Variants in INSL6 observed in about 807,000 individuals in gnomAD.
INSL6 encodes insulin like 6.
Under a neutral mutation model 9.4 loss-of-function variants are expected in INSL6, and 16 were observed. The ratio of observed to expected loss-of-function variants is 1.70; its 90% CI spans 1.15 to 2.59. The LOEUF (loss-of-function observed/expected upper bound fraction) is 2.59, where lower values mean the gene tolerates loss of function less well. Ranked by LOEUF, INSL6 falls within the 30% of genes most tolerant of loss-of-function variation. The pLI is 0.00. For missense variants in INSL6, 391 were observed against 257.3 expected (o/e 1.52, Z -3.56); for synonymous variants, 154 against 96.9 (o/e 1.59, Z -3.46).
At position 5,180,380 on chromosome 9, in the gene INSL6, A is replaced by C. The variant is rs189455757; in HGVS notation, c.289+4934T>G. ...CAAGGGAAGACAACTGTAAGGTCTGACTGCCTGCGGGGTTGGGCAAAAAGA... is the reference window on the plus strand; with the variant it reads ...CAAGGGAAGACAACTGTAAGGTCTGCCTGCCTGCGGGGTTGGGCAAAAAGA... On this transcript the variant is annotated intron_variant, in intron 1 of 1. Transcript: ENST00000381641. Among the ~76,000 whole-genome samples, 443 of 152,264 alleles carry C rather than the reference A, an allele frequency of 2.9e-3. 4 individuals carry two copies. Among genetic ancestry groups the C allele is most frequent in the African/African-American group, 9.2e-3 (383 of 41,534 alleles).
chr9:5,153,762 C>G (rs754948510), intron 2 of INSL6, among the ~76,000 whole-genome samples: 1 of 152,120 alleles, frequency 6.6e-6, no homozygotes, highest in Non-Finnish European at 1.5e-5. Context: ...ATACAACTTA[C>G]GAGGGATGTG....
chr9:5,071,547 G>A, the INSL6 span, among the ~76,000 whole-genome samples: 1 of 152,148 alleles, frequency 6.6e-6, no homozygotes, highest in Admixed American at 6.6e-5. Context: ...AGGATGAAAA[G>A]TAAATTACTT....
chr9:5,039,801 A>G, the INSL6 span, among the ~76,000 whole-genome samples: 8 of 152,164 alleles, frequency 5.3e-5, no homozygotes, highest in East Asian at 1.5e-3. Context: ...GAAATATAAA[A>G]CATCATTGAA....
At chr9:5,086,242 G>T in the INSL6 span, 1 of 572,862 alleles carries the variant, frequency 1.7e-6, no homozygotes, top group Non-Finnish European at 2.3e-6. Flanking sequence ...GAAAGTCGCG[G>T]TAGGATGGTG....
At chr9:5,003,502 T>A in the INSL6 span, among the ~76,000 whole-genome samples, 6 of 152,044 alleles carry the variant, frequency 3.9e-5, no homozygotes, top group African/African-American at 1.4e-4. Context: ...TATTTTTAAA[T>A]GTTCATTTAA....
At chr9:5,129,441 T>G (rs1425145458) in intron 3 of INSL6, among the ~76,000 whole-genome samples, 1 of 152,152 alleles carries the variant, frequency 6.6e-6, no homozygotes, top group African/African-American at 2.4e-5. Context: ...CACTGTTGTA[T>G]CCCATCCTAA....
chr9:5,105,060 G>GCAAT, the INSL6 span, among the ~76,000 whole-genome samples: 31 of 152,290 alleles, frequency 2.0e-4, 1 homozygote, highest in East Asian at 3.9e-3. Flanking sequence ...TCTGGCCAGG[G>GCAAT]CAATCAGGCA....
chr9:5,019,125 A>G, the INSL6 span, among the ~76,000 whole-genome samples: 1 of 152,148 alleles, frequency 6.6e-6, no homozygotes, highest in Non-Finnish European at 1.5e-5. Context: ...GTTTTCAGCT[A>G]TTATTTCATT....
intron 1 of INSL6, among the ~76,000 whole-genome samples, chr9:5,182,477 C>G (rs1825478823): frequency 6.6e-6 from 1 of 151,988 alleles, no homozygotes; most frequent in African/African-American, 2.4e-5. Flanking sequence ...AATTGTCTAT[C>G]TTTACTATTC....
At chr9:5,038,307 A>G in the INSL6 span, among the ~76,000 whole-genome samples, 12 of 152,304 alleles carry the variant, frequency 7.9e-5, no homozygotes, top group Admixed American at 5.2e-4. Flanking sequence ...AGCAATTTTT[A>G]TAAAAGCCCA....
the INSL6 span, among the ~76,000 whole-genome samples, chr9:5,104,229 G>C: frequency 6.6e-6 from 1 of 152,002 alleles, no homozygotes; most frequent in African/African-American, 2.4e-5. Context: ...TGGTAAAGGG[G>C]ATATCACCAC....
chr9:5,159,925 A>T (rs1824889906), downstream of INSL6, among the ~76,000 whole-genome samples: 1 of 152,220 alleles, frequency 6.6e-6, no homozygotes, highest in Non-Finnish European at 1.5e-5. Context: ...CTGTAATCCC[A>T]GCAGGTTGGG....
the INSL6 span, among the ~76,000 whole-genome samples, chr9:5,052,844 C>A: frequency 6.6e-6 from 1 of 151,894 alleles, no homozygotes. Context: ...CTTTTTATTG[C>A]TGAATCATTT....
the INSL6 span, among the ~76,000 whole-genome samples, chr9:5,101,785 T>G: frequency 5.3e-5 from 8 of 152,104 alleles, no homozygotes; most frequent in Admixed American, 4.6e-4. Flanking sequence ...TCCAGCAAAC[T>G]CCAAGAGACC....
the INSL6 span, among the ~76,000 whole-genome samples, chr9:5,039,508 G>A: frequency 6.6e-6 from 1 of 152,042 alleles, no homozygotes; most frequent in Non-Finnish European, 1.5e-5. Context: ...GTATGTGTGG[G>A]AGGTTCTGGA....
the INSL6 span, among the ~76,000 whole-genome samples, chr9:5,075,332 T>C: frequency 6.6e-6 from 1 of 152,158 alleles, no homozygotes; most frequent in African/African-American, 2.4e-5. Context: ...GTTGGAAGAA[T>C]ATGCCATCTA....
downstream of INSL6, chr9:5,123,074 C>T: frequency 3.1e-6 from 5 of 1,611,390 alleles, no homozygotes; most frequent in Non-Finnish European, 4.2e-6. Flanking sequence ...TGGAGTGGTT[C>T]TGTATGAACT....
At chr9:5,084,480 G>C in the INSL6 span, among the ~76,000 whole-genome samples, 1 of 152,010 alleles carries the variant, frequency 6.6e-6, no homozygotes, top group Non-Finnish European at 1.5e-5. Context: ...ATTCCAAAGA[G>C]GGATATATAT....
the INSL6 span, among the ~76,000 whole-genome samples, chr9:5,042,183 TGC>T: frequency 4.8e-5 from 7 of 144,946 alleles, no homozygotes; most frequent in African/African-American, 1.6e-4. Flanking sequence ...CAGGCCGGAC[TGC>T]GGACTGCAGT....
Sources: allele counts gnomAD v4.1 joint callset (sites outside exome capture counted in the v4.1 genomes callset), GRCh38; gene constraint gnomAD v4.1.1; transcripts MANE v1.5; gene names NCBI Gene and HGNC (gene_info 2026-07-23, HGNC 2026-07-21).